TSC22D2: variants seen among roughly 807,000 people sequenced by gnomAD.
TSC22D2 encodes TSC22 domain family protein 2.
TSC22D2 carries 5 observed loss-of-function variants against 50.1 expected under a neutral mutation model. The ratio of observed to expected loss-of-function variants is 0.10; its 90% CI spans 0.05 to 0.21. The LOEUF is 0.21. Among genes scored for constraint, TSC22D2 ranks in the 10% least tolerant of loss-of-function variants. TSC22D2 has a pLI of 1.00. For missense variants in TSC22D2, 1,003 were observed against 1,015.5 expected (o/e 0.99, Z 0.17); for synonymous variants, 501 against 450.1 (o/e 1.11, Z -1.43).
chr3:150,425,389 G>T (rs1720147205), intron 1 of TSC22D2, among the ~76,000 whole-genome samples: 1 of 152,124 alleles, frequency 6.6e-6, no homozygotes, highest in South Asian at 2.1e-4. Context: ...GCTGGGTATG[G>T]TGGCACATGC....
At position 150,409,392 on chromosome 3, in the gene TSC22D2, C is replaced by A. The variant is rs1359754681; in HGVS notation, c.42C>A (p.Ile14=). ...CCAAGAAGAAGAGCTGCTTCCAGAT[C>A]ACCAGTGTCACCACGGCCCAGGTGG... ...MPAKKKSCFQ[I]TSVTTAQVAT... is the part of the protein sequence containing the mutation. Residue 14 remains isoleucine, a synonymous_variant, in exon 1 of 3, where the codon ATC becomes ATA. Coordinates refer to ENST00000688009, the MANE Select transcript of TSC22D2 (RefSeq NM_001303264.2). The surrounding 1 kb of genome is among the most constrained non-coding windows in gnomAD (Gnocchi z 7.4). 6.2e-7 allele frequency: 1 copy of A among 1,611,254 alleles called. No individual in the cohort carries two copies. Among genetic ancestry groups the A allele is most frequent in the South Asian group, 1.1e-5 (1 of 91,030 alleles).
In TSC22D2 at chr3:150,458,605, C is replaced by T. The variant is rs1244164569; in HGVS notation, c.2240C>T (p.Pro747Leu). ...VIAQPPQPTQ[P>L]PQQPNVSSA ...GCACAGCCTCCGCAGCCAACGCAAC[C>T]TCCACAGCAGCCGAATGTCTCCTCA... Residue 747 changes from proline (P) to leucine (L), a missense_variant, in exon 3 of 3, where the codon CCT becomes CTT. Around this residue, in one of 6 missense-constraint regions of TSC22D2, gnomAD observed 54 missense variants for 51.4 expected, o/e 1.05. Coordinates refer to ENST00000688009, the MANE Select transcript of TSC22D2 (RefSeq NM_001303264.2). The T allele has an allele frequency of 3.7e-6, 6 of 1,614,158 alleles. No individual in the cohort carries two copies. Among genetic ancestry groups the T allele is most frequent in the Non-Finnish European group, 5.1e-6 (6 of 1,180,012 alleles).
chr3:150,421,876 CAGA>C (rs780790500), intron 1 of TSC22D2, among the ~76,000 whole-genome samples: 10 of 152,152 alleles, frequency 6.6e-5, no homozygotes, highest in Non-Finnish European at 1.0e-4. Context: ...AACCAGTTAA[CAGA>C]TAAAGAGACA....
At chr3:150,427,529 G>T (rs1720233405) in intron 1 of TSC22D2, among the ~76,000 whole-genome samples, 1 of 152,052 alleles carries the variant, frequency 6.6e-6, no homozygotes, top group Non-Finnish European at 1.5e-5. Flanking sequence ...TTGGAGATTG[G>T]TATTGGTTAA....
At chr3:150,436,770 G>A (rs1720559385) in intron 1 of TSC22D2, among the ~76,000 whole-genome samples, 1 of 152,128 alleles carries the variant, frequency 6.6e-6, no homozygotes, top group Admixed American at 6.5e-5. Context: ...GATTACATTT[G>A]GAAAGATTAT....
At chr3:150,445,160 C>T (rs1277164794) in intron 1 of TSC22D2, among the ~76,000 whole-genome samples, 1 of 151,606 alleles carries the variant, frequency 6.6e-6, no homozygotes, top group Non-Finnish European at 1.5e-5. Context: ...CAAAGAAGAT[C>T]CGTAAGAATG....
chr3:150,455,562 G>A (rs373803407), intron 1 of TSC22D2, among the ~76,000 whole-genome samples: 22 of 152,158 alleles, frequency 1.4e-4, no homozygotes, highest in African/African-American at 5.3e-4. Context: ...GTCCATTGAG[G>A]CATTGACATC....
At position 150,410,894 on chromosome 3, in the gene TSC22D2, C is replaced by T. The variant is rs1305060795; in HGVS notation, c.1544C>T (p.Ala515Val). ...GVPNVPAAVP[A>V]PSVPSVSTTS... ...CCAAACGTGCCTGCAGCCGTGCCCG[C>T]TCCAAGCGTGCCTAGTGTGTCTACC... Residue 515 changes from alanine (A) to valine (V), a missense_variant, in exon 1 of 3, where the codon GCT becomes GTT. Coordinates refer to ENST00000688009, the MANE Select transcript of TSC22D2 (RefSeq NM_001303264.2). 6.2e-7 allele frequency: 1 copy of T among 1,614,090 alleles called. No individual in the cohort carries two copies. The highest frequency in any genetic ancestry group is 8.5e-7 in the Non-Finnish European group (1 of 1,180,020).
In TSC22D2 at chr3:150,459,790, TTGG is replaced by T. The variant is rs770208449; in HGVS notation, c.*1158_*1160del. 6.7e-6 allele frequency: 1 copy of T among 149,386 alleles called. No individual in the cohort carries two copies. The highest frequency in any genetic ancestry group is 2.5e-5 in the African/African-American group (1 of 40,378). 9.3% of individuals were successfully genotyped at this position (149,386 alleles called of 1,614,324 possible). ...AAATAAAAGAGAACGAACAGGTAGT[TTGG>T]TGGAGCTGAGCTAGTGTACAATACA... On this transcript the variant is annotated 3_prime_UTR_variant, in exon 3 of 3. Coordinates refer to ENST00000688009, the MANE Select transcript of TSC22D2 (RefSeq NM_001303264.2).
intron 1 of TSC22D2, among the ~76,000 whole-genome samples, chr3:150,432,585 T>TAA (rs1302059408): frequency 1.4e-5 from 2 of 147,382 alleles, no homozygotes; most frequent in Non-Finnish European, 3.0e-5. Context: ...GAGCTTTTTT[T>TAA]AAAAAAAAAA....
chr3:150,416,022 GTAGT>G (rs1489217393), intron 1 of TSC22D2, among the ~76,000 whole-genome samples: 1 of 152,140 alleles, frequency 6.6e-6, no homozygotes, highest in African/African-American at 2.4e-5. Flanking sequence ...TAAAGGAATG[GTAGT>G]TAGGAAAGTA....
In TSC22D2 at chr3:150,464,866, T is replaced by G. The variant is rs949874304; in HGVS notation, c.*6230T>G. Reference sequence around the variant, plus strand: ...CTAAGTTGTAGATAATGAAATTGATTTAAATCAAAGTTAACTAGAATAGGA... The same window carrying G: ...CTAAGTTGTAGATAATGAAATTGATGTAAATCAAAGTTAACTAGAATAGGA... On this transcript the variant is annotated 3_prime_UTR_variant, in exon 3 of 3. Transcript: ENST00000688009. 9.8e-5 allele frequency: 15 copies of G among 152,320 alleles called. No homozygotes were observed. The East Asian group carries it at 2.9e-3, about 29-fold the overall frequency. 9.4% of individuals were successfully genotyped at this position (152,320 alleles called of 1,614,324 possible).
chr3:150,446,440 A>G (rs1270693235), intron 1 of TSC22D2, among the ~76,000 whole-genome samples: 2 of 152,242 alleles, frequency 1.3e-5, no homozygotes, highest in Non-Finnish European at 2.9e-5. Context: ...ACTTGAGCCC[A>G]GGAGTTTGAA....
Position 150,462,021 on chromosome 3 carries a change from AATC to A in TSC22D2, c.*3386_*3388del, listed in dbSNP as rs1329128105. On this transcript the variant is annotated 3_prime_UTR_variant, in exon 3 of 3. Coordinates refer to ENST00000688009, the MANE Select transcript of TSC22D2 (RefSeq NM_001303264.2). ...AAGCACTTTGTGACATTTCTTTAATAATCCTATGAAAAGGACAAAACCCAGCCC... is the reference window on the plus strand; with the variant it reads ...AAGCACTTTGTGACATTTCTTTAATACTATGAAAAGGACAAAACCCAGCCC... 6.6e-6 allele frequency: 1 copy of A among 152,182 alleles called. No individual in the cohort carries two copies. Among genetic ancestry groups the A allele is most frequent in the East Asian group, 1.9e-4 (1 of 5,192 alleles). 9.4% of individuals were successfully genotyped at this position (152,182 alleles called of 1,614,324 possible). A position where few individuals can be genotyped will look rare whatever the true frequency, so the allele number is the denominator to read the frequency against.
In TSC22D2 at chr3:150,410,374, C is replaced by T. The variant is rs201624303; in HGVS notation, c.1024C>T (p.Pro342Ser). Residue 342 changes from proline to serine, a missense_variant, in exon 1 of 3, where the codon CCG becomes TCG. By Grantham distance (74) the Pro-to-Ser change is moderately conservative. Coordinates refer to ENST00000688009, the MANE Select transcript of TSC22D2 (RefSeq NM_001303264.2). The part of the protein sequence containing the change: ...AQPAMSLPPQ[P>S]GPAVGAPAAQ... Reference sequence around the variant, plus strand: ...GCCGGCTATGTCCCTGCCTCCGCAGCCGGGCCCTGCAGTGGGCGCCCCCGC... The same window carrying T: ...GCCGGCTATGTCCCTGCCTCCGCAGTCGGGCCCTGCAGTGGGCGCCCCCGC... The T allele has an allele frequency of 6.5e-4, 1,038 of 1,603,056 alleles. 8 individuals are homozygous for T. The Middle Eastern group carries it at 0.019, about 30-fold the overall frequency.
At chr3:150,415,766 T>A (rs1185411941) in intron 1 of TSC22D2, among the ~76,000 whole-genome samples, 9 of 152,144 alleles carry the variant, frequency 5.9e-5, no homozygotes, top group Non-Finnish European at 1.0e-4. Flanking sequence ...CAGTGAGCTA[T>A]ATTATAATAT....
At chr3:150,444,180 G>A (rs887991502) in intron 1 of TSC22D2, among the ~76,000 whole-genome samples, 13 of 152,014 alleles carry the variant, frequency 8.6e-5, no homozygotes, top group Non-Finnish European at 1.2e-4. Context: ...CTCGAGGTCT[G>A]CCCATATTTT....
intron 1 of TSC22D2, among the ~76,000 whole-genome samples, chr3:150,417,282 A>G (rs1431027416): frequency 6.6e-6 from 1 of 152,150 alleles, no homozygotes; most frequent in Non-Finnish European, 1.5e-5. Context: ...TATATAATTT[A>G]ATCTGAATAA....
At chr3:150,454,693 TCAAGA>T (rs1721135666) in intron 1 of TSC22D2, among the ~76,000 whole-genome samples, 1 of 152,200 alleles carries the variant, frequency 6.6e-6, no homozygotes, top group South Asian at 2.1e-4. Flanking sequence ...ATAATAGCCT[TCAAGA>T]TAGTTAAAGG....
Sources: gnomAD v4.1 joint callset for allele counts (sites outside exome capture counted in the v4.1 genomes callset) on GRCh38, gnomAD v4.1.1 for gene constraint, gnomAD v4.1.1 regional missense constraint, Gnocchi (gnomAD v3.1) non-coding constraint, MANE v1.5 for transcripts, NCBI Gene and HGNC (gene_info 2026-07-23, HGNC 2026-07-21) for gene names.